The following SVOPL variants were observed in gnomAD, a reference collection of about 807,000 sequenced individuals.
The protein encoded by SVOPL is SVOP like.
In SVOPL, 60 loss-of-function variants were observed where a neutral mutation model predicts 61.0. The ratio of observed to expected loss-of-function variants is 0.98; its 90% CI spans 0.80 to 1.22. The LOEUF is 1.22. SVOPL is among the 50% of genes most tolerant of loss of function. The pLI is 0.00. For synonymous variants in SVOPL, 279 were observed against 250.0 expected, an observed-to-expected ratio of 1.12 and a Z score of -1.09; for missense variants, 662 against 643.9, an observed-to-expected ratio of 1.03 and a Z score of -0.30.
chr7:138,638,882 G>A lies in SVOPL; in HGVS notation c.789+5835C>T, dbSNP rs577856584. Among the ~76,000 whole-genome samples, 3 of 152,322 alleles carry A rather than the reference G, an allele frequency of 2.0e-5. No homozygotes were observed. The South Asian group carries it at 6.2e-4, about 32-fold the overall frequency. On this transcript the variant is annotated intron_variant, in intron 9 of 15. Coordinates refer to ENST00000674285, the MANE Select transcript of SVOPL (RefSeq NM_001139456.2). Reference sequence around the variant, plus strand: ...CTCAATCTAATAGAAGTTAGTCAAGGAGACAAGGAAAGACATGATTCAGAA... The same window carrying A: ...CTCAATCTAATAGAAGTTAGTCAAGAAGACAAGGAAAGACATGATTCAGAA...
intron 1 of SVOPL, among the ~76,000 whole-genome samples, chr7:138,686,335 G>C (rs140225107): frequency 2.0e-5 from 3 of 151,300 alleles, no homozygotes; most frequent in African/African-American, 2.4e-5. Context: ...CCCCGGGGGG[G>C]GCGGAGGTTG....
chr7:138,655,150 A>G (rs912120593), intron 7 of SVOPL, among the ~76,000 whole-genome samples: 1 of 151,898 alleles, frequency 6.6e-6, no homozygotes, highest in African/African-American at 2.4e-5. Flanking sequence ...AGATCGCACC[A>G]CTAAACTCCA....
chr7:138,699,448 AG>A (rs113202665), intron 1 of SVOPL, among the ~76,000 whole-genome samples: 25,093 of 152,040 alleles, frequency 0.17, 2,472 homozygotes, highest in East Asian at 0.41. Context: ...CAAAGAGGGG[AG>A]GAAAAAGTCA....
At chr7:138,631,960 T>TCTCACACACACACACACACA (rs935815206) in intron 9 of SVOPL, among the ~76,000 whole-genome samples, 20 of 147,068 alleles carry the variant, frequency 1.4e-4, no homozygotes, top group Admixed American at 4.8e-4. Context: ...TGCTCTGATA[T>TCTCACACACACACACACACA]CACACACACA....
chr7:138,617,488 T>C (rs778179871), intron 14 of SVOPL, among the ~76,000 whole-genome samples: 7 of 152,174 alleles, frequency 4.6e-5, no homozygotes, highest in Non-Finnish European at 1.0e-4. Context: ...TCCCTATTGA[T>C]AGCTGTGCCT....
At position 138,605,909 on chromosome 7, in the gene SVOPL, G is replaced by A. The variant is rs1049471071; in HGVS notation, c.1354-9379C>T. ...GTTTTCCAATCAACCTCTTGCATGT[G>A]CAATTCCATGTTGGCATCTGTTTCT... On this transcript the variant is annotated intron_variant, in intron 14 of 15. Transcript: ENST00000674285. Among the ~76,000 whole-genome samples the A allele has an allele frequency of 1.1e-4, 16 of 152,026 alleles. No homozygotes were observed. In the East Asian group the frequency reaches 2.7e-3, roughly 26 times the overall value.
At chr7:138,615,012 G>A (rs889949478) in intron 14 of SVOPL, among the ~76,000 whole-genome samples, 1 of 152,166 alleles carries the variant, frequency 6.6e-6, no homozygotes, top group African/African-American at 2.4e-5. Flanking sequence ...GTCAGGGCCT[G>A]TGCTGCAAGC....
chr7:138,631,147 C>T (rs944780561), intron 9 of SVOPL, among the ~76,000 whole-genome samples: 2 of 152,104 alleles, frequency 1.3e-5, no homozygotes. Flanking sequence ...TTTGTTGTCA[C>T]AGAAAGCTAG....
At chr7:138,695,183 T>C (rs1803038910) in intron 1 of SVOPL, among the ~76,000 whole-genome samples, 1 of 152,228 alleles carries the variant, frequency 6.6e-6, no homozygotes, top group African/African-American at 2.4e-5. Context: ...AAAGAGTTCC[T>C]GTTTCCAAAG....
At chr7:138,689,229 C>T in intron 1 of SVOPL, 10 of 1,480,902 alleles carry the variant, frequency 6.8e-6, no homozygotes, top group African/African-American at 4.2e-5. Flanking sequence ...AGGTTGGTGG[C>T]CCAAAAAGAG....
At chr7:138,666,062 G>A (rs1356914463) in intron 4 of SVOPL, among the ~76,000 whole-genome samples, 1 of 152,198 alleles carries the variant, frequency 6.6e-6, no homozygotes, top group Non-Finnish European at 1.5e-5. Context: ...ACAATACCCA[G>A]CCTGTTCTAC....
Position 138,627,443 on chromosome 7 carries a change from A to C in SVOPL, c.1088T>G (p.Leu363Arg), listed in dbSNP as rs1431237323. The change falls in exon 12 of 16, where the codon CTG becomes CGG. Residue 363 changes from leucine to arginine, a missense_variant. By Grantham distance (102) the Leu-to-Arg change is moderately radical. Transcript: ENST00000674285. ...CCGTCTTCCCAGGAAATTGATGCCC[A>C]GTATATTTAAAGGATTCACTAGAAA... The part of the protein sequence containing the change: ...GEIALNPLNI[L>R]GINFLGRRLS... The C allele has an allele frequency of 6.2e-7, 1 of 1,613,496 alleles. No homozygotes were observed. The highest frequency in any genetic ancestry group is 1.7e-5 in the Admixed American group (1 of 59,996).
At position 138,697,949 on chromosome 7, in the gene SVOPL, C is replaced by T. The variant is rs114298457; in HGVS notation, c.-35+3229G>A. Among the ~76,000 whole-genome samples, 1,018 of 146,398 alleles carry T rather than the reference C, an allele frequency of 7.0e-3. 16 individuals carry two copies. The highest frequency in any genetic ancestry group is 0.024 in the African/African-American group (959 of 39,528). On this transcript the variant is annotated intron_variant, in intron 1 of 15. Coordinates refer to ENST00000674285, the MANE Select transcript of SVOPL (RefSeq NM_001139456.2). ...ATCTTTACGTATAATTTTATGCCAACTAAATTAACAAACATGGAAAAGAAA... is the reference window on the plus strand; with the variant it reads ...ATCTTTACGTATAATTTTATGCCAATTAAATTAACAAACATGGAAAAGAAA...
At chr7:138,659,518 T>C (rs540569225) in intron 6 of SVOPL, among the ~76,000 whole-genome samples, 1 of 151,864 alleles carries the variant, frequency 6.6e-6, no homozygotes, top group African/African-American at 2.4e-5. Context: ...ATTAATATGT[T>C]AACATCTACC....
At chr7:138,639,138 C>T (rs878980047) in intron 9 of SVOPL, among the ~76,000 whole-genome samples, 1 of 152,032 alleles carries the variant, frequency 6.6e-6, no homozygotes, top group Non-Finnish European at 1.5e-5. Context: ...GCCTGTAGTC[C>T]CAGCTACTTG....
intron 8 of SVOPL, among the ~76,000 whole-genome samples, chr7:138,648,722 G>C (rs766112566): frequency 6.6e-6 from 1 of 151,228 alleles, no homozygotes; most frequent in Admixed American, 6.6e-5. Flanking sequence ...CTCCAGCCGA[G>C]GTCGCGGCAC....
At chr7:138,596,906 G>A in intron 14 of SVOPL, 1 of 1,082,144 alleles carries the variant, frequency 9.2e-7, no homozygotes, top group East Asian at 7.5e-5. Flanking sequence ...TATATCCTCT[G>A]TCTGCCAAAT....
At position 138,654,603 on chromosome 7, in the gene SVOPL, G is replaced by A. The variant is rs148164911; in HGVS notation, c.534+1845C>T. Among the ~76,000 whole-genome samples the A allele has an allele frequency of 2.8e-3, 418 of 149,676 alleles. 11 individuals carry two copies. In the East Asian group the frequency reaches 0.059, roughly 21 times the overall value. ...CAACCTTCTCCTCCCAGGTTCAAGC[G>A]ATTCTCCTGCCTCAGCCTCCCGAGT... On this transcript the variant is annotated intron_variant, in intron 7 of 15. Transcript: ENST00000674285.
chr7:138,600,578 G>C (rs953726482), intron 14 of SVOPL, among the ~76,000 whole-genome samples: 1 of 151,868 alleles, frequency 6.6e-6, no homozygotes, highest in Non-Finnish European at 1.5e-5. Flanking sequence ...TTCCAGTCTC[G>C]GTGACAGAGC....
Sources: allele counts gnomAD v4.1 joint callset (sites outside exome capture counted in the v4.1 genomes callset), GRCh38; gene constraint gnomAD v4.1.1; transcripts MANE v1.5; gene names NCBI Gene and HGNC (gene_info 2026-07-23, HGNC 2026-07-21).